Variants in CSMD1 observed in about 807,000 individuals in gnomAD.
The protein encoded by CSMD1 is CUB and Sushi multiple domains 1, also known as CUB and sushi domain-containing protein 1.
CSMD1 carries 213 observed loss-of-function variants against 417.5 expected under a neutral mutation model. That is an observed-to-expected ratio of 0.51 (90% confidence interval 0.46 to 0.57). CSMD1 has a LOEUF of 0.57. CSMD1 is among the 20% of genes least tolerant of loss of function. CSMD1 has a pLI of 0.00. For missense variants in CSMD1, 6,923 were observed against 4,529.7 expected (o/e 1.53, Z -15.17); for synonymous variants, 2,862 against 1,736.8 (o/e 1.65, Z -16.11).
intron 2 of CSMD1, among the ~76,000 whole-genome samples, chr8:4,617,957 T>C (rs756982417): frequency 6.6e-6 from 1 of 152,204 alleles, no homozygotes; most frequent in Non-Finnish European, 1.5e-5. Flanking sequence ...ATGCAATATT[T>C]CTTTTTAAAA....
intron 1 of CSMD1, among the ~76,000 whole-genome samples, chr8:4,759,890 T>G (rs768188401): frequency 2.0e-5 from 3 of 152,240 alleles, no homozygotes; most frequent in Non-Finnish European, 4.4e-5. Context: ...CATGTGTATT[T>G]ATAATAGCAT....
intron 2 of CSMD1, among the ~76,000 whole-genome samples, chr8:4,452,575 T>G (rs1301354557): frequency 1.3e-5 from 2 of 152,176 alleles, no homozygotes; most frequent in African/African-American, 4.8e-5. Context: ...ATCAAGAATA[T>G]TAAACATCAG....
intron 20 of CSMD1, among the ~76,000 whole-genome samples, chr8:3,365,959 G>A (rs1809537489): frequency 6.6e-6 from 1 of 152,190 alleles, no homozygotes. Context: ...AAGATCTTCA[G>A]TTTTGGTTTG....
rs539795403 is a variant in CSMD1, at chr8:3,099,434, T to C, written c.6950-2397A>G. The stretch of plus-strand genomic sequence containing the variant: ...GCAGATGGCAGGTTCAATAAACTTA[T>C]TCACCTGACTTTGGGTCTATTCATC... On this transcript the variant is annotated intron_variant, in intron 46 of 69. Transcript: ENST00000635120. Among the ~76,000 whole-genome samples the C allele has an allele frequency of 1.1e-4, 17 of 152,318 alleles. No homozygotes were observed. The South Asian group carries it at 3.5e-3, about 32-fold the overall frequency.
At chr8:4,652,743 T>G (rs2130899808) in intron 1 of CSMD1, among the ~76,000 whole-genome samples, 1 of 152,202 alleles carries the variant, frequency 6.6e-6, no homozygotes, top group African/African-American at 2.4e-5. Context: ...GTCTCCAGGC[T>G]TTTTGGCACC....
chr8:4,798,713 A>G (rs1425479124), intron 1 of CSMD1, among the ~76,000 whole-genome samples: 2 of 152,224 alleles, frequency 1.3e-5, no homozygotes, highest in East Asian at 1.9e-4. Context: ...AATTTGTTAA[A>G]AAAAAGTAGA....
At chr8:4,795,321 G>C (rs1235328640) in intron 1 of CSMD1, among the ~76,000 whole-genome samples, 7 of 120,828 alleles carry the variant, frequency 5.8e-5, no homozygotes, top group South Asian at 2.9e-4. Flanking sequence ...GCCTAGGCTG[G>C]AGTGCAGTGA....
intron 1 of CSMD1, among the ~76,000 whole-genome samples, chr8:4,890,546 C>T (rs1378112445): frequency 6.9e-6 from 1 of 144,712 alleles, no homozygotes; most frequent in Non-Finnish European, 1.5e-5. Flanking sequence ...CCCTCCTCTC[C>T]TTCAGGTCCT....
chr8:4,772,712 T>C (rs904710618), intron 1 of CSMD1, among the ~76,000 whole-genome samples: 1 of 152,142 alleles, frequency 6.6e-6, no homozygotes, highest in Non-Finnish European at 1.5e-5. Flanking sequence ...TGAGTTAAGT[T>C]TGAGGCTTGA....
intron 1 of CSMD1, among the ~76,000 whole-genome samples, chr8:4,761,395 T>C (rs184467769): frequency 2.3e-4 from 35 of 152,240 alleles, no homozygotes; most frequent in Non-Finnish European, 3.7e-4. Flanking sequence ...TATATATATA[T>C]ATACACACAT....
At chr8:3,650,022 G>C (rs113346490) in intron 7 of CSMD1, among the ~76,000 whole-genome samples, 39 of 152,238 alleles carry the variant, frequency 2.6e-4, no homozygotes, top group African/African-American at 8.7e-4. Flanking sequence ...CTCATGCCTG[G>C]AATCCCAGCA....
At chr8:3,039,803 T>C (rs13438910) in intron 50 of CSMD1, among the ~76,000 whole-genome samples, 34,219 of 151,960 alleles carry the variant, frequency 0.23, 4,098 homozygotes, top group East Asian at 0.43. Context: ...TTTAAGGAGA[T>C]TGCGTTTAAA....
intron 25 of CSMD1, among the ~76,000 whole-genome samples, chr8:3,297,319 AGT>A (rs1221525912): frequency 6.6e-6 from 1 of 152,172 alleles, no homozygotes; most frequent in Non-Finnish European, 1.5e-5. Flanking sequence ...AAAAATTAAG[AGT>A]GTTTCTGAAA....
chr8:4,489,831 T>A (rs1279456188), intron 2 of CSMD1, among the ~76,000 whole-genome samples: 1 of 152,168 alleles, frequency 6.6e-6, no homozygotes, highest in Non-Finnish European at 1.5e-5. Flanking sequence ...GCCACCTGAC[T>A]TGCAGCCTTG....
intron 39 of CSMD1, among the ~76,000 whole-genome samples, chr8:3,155,442 A>G (rs1202927347): frequency 8.0e-6 from 1 of 125,524 alleles, no homozygotes; most frequent in East Asian, 2.6e-4. Flanking sequence ...ATCTTGGCTC[A>G]CTGCAAGCTC....
At chr8:4,094,158 T>C (rs1800875872) in intron 3 of CSMD1, among the ~76,000 whole-genome samples, 1 of 152,012 alleles carries the variant, frequency 6.6e-6, no homozygotes, top group Non-Finnish European at 1.5e-5. Context: ...GACACAGCCG[T>C]GCACACGAAT....
At chr8:4,301,806 G>T (rs1003276354) in intron 3 of CSMD1, among the ~76,000 whole-genome samples, 1 of 152,114 alleles carries the variant, frequency 6.6e-6, no homozygotes, top group Admixed American at 6.6e-5. Flanking sequence ...TGCCAGGGGG[G>T]TTCATTGTCC....
At chr8:4,305,349 G>A (rs904274551) in intron 3 of CSMD1, among the ~76,000 whole-genome samples, 1 of 152,098 alleles carries the variant, frequency 6.6e-6, no homozygotes, top group African/African-American at 2.4e-5. Flanking sequence ...AGTGAGACCC[G>A]AACTGGAATC....
At chr8:4,200,757 G>C (rs577036671) in intron 3 of CSMD1, among the ~76,000 whole-genome samples, 26 of 152,244 alleles carry the variant, frequency 1.7e-4, no homozygotes, top group African/African-American at 6.0e-4. Flanking sequence ...AACTACTCTG[G>C]CGACTGAGAT....
Sources: gnomAD v4.1 joint callset for allele counts (sites outside exome capture counted in the v4.1 genomes callset) on GRCh38, gnomAD v4.1.1 for gene constraint, MANE v1.5 for transcripts, NCBI Gene and HGNC (gene_info 2026-07-23, HGNC 2026-07-21) for gene names.